The following ABTB2 variants were observed in gnomAD, a reference collection of about 807,000 sequenced individuals.
ABTB2 encodes ankyrin repeat and BTB domain containing 2, also known as ankyrin repeat and BTB/POZ domain-containing protein 2.
A neutral mutation model predicts 104.1 loss-of-function variants in ABTB2; 56 were observed. The observed-to-expected ratio is 0.54, with a 90% CI of 0.43 to 0.67. The LOEUF (loss-of-function observed/expected upper bound fraction) is 0.67, where lower values mean the gene tolerates loss of function less well. Among genes scored for constraint, ABTB2 ranks in the 30% least tolerant of loss-of-function variants. The pLI is 0.00. For synonymous variants in ABTB2, 606 were observed against 608.2 expected, an observed-to-expected ratio of 1.00 and a Z score of 0.05; for missense variants, 1,279 against 1,407.7, an observed-to-expected ratio of 0.91 and a Z score of 1.46.
At chr11:34,169,041 A>G (rs1852837096) in intron 5 of ABTB2, among the ~76,000 whole-genome samples, 1 of 152,218 alleles carries the variant, frequency 6.6e-6, no homozygotes, top group African/African-American at 2.4e-5. Flanking sequence ...AGAGCTGTTT[A>G]CCCACAGATC....
chr11:34,152,232 T>A lies in ABTB2; in HGVS notation c.*155A>T. ...ACAAACAGCTCTAGGGCAGAGGAGA[T>A]GAGGGTGAGCTGCCCGGTGACAGGG... On this transcript the variant is annotated 3_prime_UTR_variant, in exon 17 of 17. Coordinates refer to ENST00000435224, the MANE Select transcript of ABTB2 (RefSeq NM_145804.3). The A allele has an allele frequency of 1.3e-6, 1 of 781,768 alleles. No homozygotes were observed. The highest frequency in any genetic ancestry group is 2.0e-6 in the Non-Finnish European group (1 of 499,302). The allele number at this position is 781,768 out of a possible 1,614,324, so 48.4% of individuals were successfully genotyped here.
intron 1 of ABTB2, chr11:34,335,727 G>A: frequency 7.2e-7 from 1 of 1,395,724 alleles, no homozygotes; most frequent in Non-Finnish European, 1.0e-6. Flanking sequence ...TATAAAGCAG[G>A]CTTTTCTTCT....
At chr11:34,208,582 C>G (rs1011138361) in intron 1 of ABTB2, among the ~76,000 whole-genome samples, 7 of 152,106 alleles carry the variant, frequency 4.6e-5, no homozygotes, top group Non-Finnish European at 1.0e-4. Flanking sequence ...CTCAACATTT[C>G]TCAATCTCTA....
chr11:34,347,997 C>A (rs1471678951), intron 1 of ABTB2, among the ~76,000 whole-genome samples: 2 of 152,210 alleles, frequency 1.3e-5, no homozygotes, highest in Admixed American at 6.5e-5. Flanking sequence ...ATTTGCCAGT[C>A]TTGACCTTCA....
chr11:34,201,160 A>G (rs976760429), intron 2 of ABTB2, among the ~76,000 whole-genome samples: 1 of 152,130 alleles, frequency 6.6e-6, no homozygotes, highest in African/African-American at 2.4e-5. Context: ...CAGTTTAAGC[A>G]TGGCAGGGAC....
At chr11:34,171,614 G>C (rs1332819118) in intron 4 of ABTB2, among the ~76,000 whole-genome samples, 1 of 152,058 alleles carries the variant, frequency 6.6e-6, no homozygotes, top group Non-Finnish European at 1.5e-5. Flanking sequence ...TAAGTGTTCT[G>C]AGCCCTTGTT....
intron 1 of ABTB2, among the ~76,000 whole-genome samples, chr11:34,288,033 G>T (rs1400481901): frequency 1.3e-5 from 2 of 152,046 alleles, no homozygotes; most frequent in East Asian, 3.8e-4. Flanking sequence ...ATGAGGCTGG[G>T]GGTGGTATGT....
At chr11:34,182,211 C>T (rs1441672854) in intron 3 of ABTB2, among the ~76,000 whole-genome samples, 4 of 152,218 alleles carry the variant, frequency 2.6e-5, no homozygotes, top group East Asian at 1.9e-4. Context: ...AAAACATCCA[C>T]GTAGGATAAA....
chr11:34,152,658 A>G (rs1590198994), intron 16 of ABTB2, 74 bp from the exon 17 acceptor site: 1 of 1,417,732 alleles, frequency 7.1e-7, no homozygotes, highest in Non-Finnish European at 9.7e-7. Context: ...CCCAAATACT[A>G]CCTACCCATG....
rs1205173199 is a variant in ABTB2 at position 34,154,749 on chromosome 11, G to A, written c.2718C>T (p.Tyr906=). 3.1e-6 allele frequency: 5 copies of A among 1,614,024 alleles called. No homozygotes were observed. Among genetic ancestry groups the A allele is most frequent in the East Asian group, 2.2e-5 (1 of 44,880 alleles). Residue 906 remains tyrosine, a synonymous_variant, in exon 15 of 17, where the codon TAC becomes TAT. Coordinates refer to ENST00000435224, the MANE Select transcript of ABTB2 (RefSeq NM_145804.3). The surrounding 1 kb of genome is among the most constrained non-coding windows in gnomAD (Gnocchi z 4.9). ...HIFQMMMQYL[Y]YGGTESMEIP... ...TCTCCATGGATTCTGTTCCTCCGTAGTACAGATACTGCATCATCATCTGTG... is the reference window on the plus strand; with the variant it reads ...TCTCCATGGATTCTGTTCCTCCGTAATACAGATACTGCATCATCATCTGTG...
chr11:34,181,515 A>C (rs1475492343), intron 3 of ABTB2, among the ~76,000 whole-genome samples: 2 of 152,150 alleles, frequency 1.3e-5, no homozygotes, highest in Admixed American at 1.3e-4. Context: ...CTGGCAGGCC[A>C]AGCAAATGAG....
intron 1 of ABTB2, among the ~76,000 whole-genome samples, chr11:34,344,186 C>T (rs969559410): frequency 1.8e-4 from 27 of 152,144 alleles, no homozygotes; most frequent in East Asian, 5.8e-4. Flanking sequence ...AGGACACAGA[C>T]GCAAAGTCAC....
rs563785129 is a variant in ABTB2, at chr11:34,232,425, G to A, written c.884-27735C>T. Among the ~76,000 whole-genome samples, 48 of 145,126 alleles carry A rather than the reference G, an allele frequency of 3.3e-4. No homozygotes were observed. In the South Asian group the frequency reaches 4.9e-3, roughly 15 times the overall value. On this transcript the variant is annotated intron_variant, in intron 1 of 16. Transcript: ENST00000435224. Reference sequence around the variant, plus strand: ...AGATCGCGCCACTGCACTCCAGCCTGGGCAATAGAGGGAGACTCTGTCTCA... The same window carrying A: ...AGATCGCGCCACTGCACTCCAGCCTAGGCAATAGAGGGAGACTCTGTCTCA...
In ABTB2 at chr11:34,342,510, G is replaced by A. The variant is rs747059848; in HGVS notation, c.883+14191C>T. Reference sequence around the variant, plus strand: ...GAGGACTTCAGAGCTCAAAGAGCCCGGCTGTGTCATTGACTAGCTATGTCA... The same window carrying A: ...GAGGACTTCAGAGCTCAAAGAGCCCAGCTGTGTCATTGACTAGCTATGTCA... On this transcript the variant is annotated intron_variant, in intron 1 of 16. Transcript: ENST00000435224. 3.9e-5 allele frequency among the ~76,000 whole-genome samples: 6 copies of A among 152,192 alleles called. No individual in the cohort carries two copies. In the East Asian group the frequency reaches 5.8e-4, roughly 15 times the overall value.
chr11:34,182,178 C>A (rs1460094635), intron 3 of ABTB2, among the ~76,000 whole-genome samples: 5 of 152,272 alleles, frequency 3.3e-5, no homozygotes, highest in Non-Finnish European at 7.3e-5. Context: ...TTCCACACAG[C>A]CACCACGGCC....
chr11:34,219,249 G>T (rs1383722279), intron 1 of ABTB2, among the ~76,000 whole-genome samples: 1 of 152,196 alleles, frequency 6.6e-6, no homozygotes, highest in African/African-American at 2.4e-5. Flanking sequence ...AAGTTATAAT[G>T]GAGCTGGAAA....
chr11:34,181,227 T>C lies in ABTB2; in HGVS notation c.1245-7920A>G, dbSNP rs1382238299. Reference sequence around the variant, plus strand: ...CAAGGCCTTGGTTTTAAGAGGCCCCTGCAGCCTGGAAAACAAACAAACAAA... The same window carrying C: ...CAAGGCCTTGGTTTTAAGAGGCCCCCGCAGCCTGGAAAACAAACAAACAAA... On this transcript the variant is annotated intron_variant, in intron 3 of 16. Transcript: ENST00000435224. Among the ~76,000 whole-genome samples, 6 of 144,368 alleles carry C rather than the reference T, an allele frequency of 4.2e-5. No individual in the cohort carries two copies. In the East Asian group the frequency reaches 1.3e-3, roughly 32 times the overall value. The allele number at this position is 144,368 out of a possible 152,430, so 94.7% of individuals were successfully genotyped here.
chr11:34,251,593 A>G (rs1854058409), intron 1 of ABTB2, among the ~76,000 whole-genome samples: 1 of 152,202 alleles, frequency 6.6e-6, no homozygotes, highest in South Asian at 2.1e-4. Flanking sequence ...AAGAGAGTAC[A>G]TGGAGGGTTC....
At chr11:34,290,144 T>A (rs1461984523) in intron 1 of ABTB2, among the ~76,000 whole-genome samples, 2 of 152,192 alleles carry the variant, frequency 1.3e-5, no homozygotes, top group Admixed American at 1.3e-4. Flanking sequence ...AAAAAAATCA[T>A]GAGATGAAAC....
Sources: gnomAD v4.1 joint callset for allele counts (sites outside exome capture counted in the v4.1 genomes callset) on GRCh38, gnomAD v4.1.1 for gene constraint, Gnocchi (gnomAD v3.1) non-coding constraint, MANE v1.5 for transcripts, NCBI Gene and HGNC (gene_info 2026-07-23, HGNC 2026-07-21) for gene names.